ZNF644: variants seen among roughly 807,000 people sequenced by gnomAD.
ZNF644 encodes zinc finger protein 644.
Under a neutral mutation model 108.0 loss-of-function variants are expected in ZNF644, and 20 were observed. That is an observed-to-expected ratio of 0.19 (90% CI 0.13 to 0.27). The LOEUF is 0.27. ZNF644 is among the 10% of genes least tolerant of loss of function. ZNF644 has a pLI of 1.00. For synonymous variants in ZNF644, 542 were observed against 539.1 expected (o/e 1.01, Z -0.08); for missense variants, 1,338 against 1,548.9 (o/e 0.86, Z 2.29).
chr1:90,988,479 T>C (rs1342515726), intron 1 of ZNF644, among the ~76,000 whole-genome samples: 2 of 152,092 alleles, frequency 1.3e-5, no homozygotes, highest in Non-Finnish European at 2.9e-5. Flanking sequence ...AATCTACAGA[T>C]TCAATGCAAT....
intron 2 of ZNF644, among the ~76,000 whole-genome samples, chr1:90,960,592 A>G (rs1299447659): frequency 6.6e-6 from 1 of 152,148 alleles, no homozygotes; most frequent in African/African-American, 2.4e-5. Context: ...AAAGAAAGCC[A>G]ATCATAAAAT....
chr1:90,928,899 T>C (rs1650394407), intron 4 of ZNF644, among the ~76,000 whole-genome samples: 1 of 152,146 alleles, frequency 6.6e-6, no homozygotes, highest in African/African-American at 2.4e-5. Flanking sequence ...TGAAACCATA[T>C]AAACCCTTCT....
intron 4 of ZNF644, among the ~76,000 whole-genome samples, chr1:90,926,773 C>T (rs1283857286): frequency 6.6e-6 from 1 of 152,112 alleles, no homozygotes; most frequent in Non-Finnish European, 1.5e-5. Context: ...TAGTACCCCT[C>T]CTTTACATTC....
At chr1:90,919,220 A>T (rs1320709715) in intron 4 of ZNF644, among the ~76,000 whole-genome samples, 1 of 152,272 alleles carries the variant, frequency 6.6e-6, no homozygotes, top group East Asian at 1.9e-4. Context: ...TAGCAGGAAG[A>T]GAAGGTAAGA....
At chr1:90,997,100 A>G (rs534587645) in intron 1 of ZNF644, among the ~76,000 whole-genome samples, 1 of 152,322 alleles carries the variant, frequency 6.6e-6, no homozygotes, top group South Asian at 2.1e-4. Flanking sequence ...TTAAAAAGAA[A>G]AGCTGGGGGC....
intron 1 of ZNF644, among the ~76,000 whole-genome samples, chr1:91,015,576 G>A (rs1660362051): frequency 6.6e-6 from 1 of 152,164 alleles, no homozygotes; most frequent in South Asian, 2.1e-4. Flanking sequence ...CCAATGCACT[G>A]GCTGGGAAAT....
chr1:90,947,065 C>T (rs147056791), intron 2 of ZNF644, among the ~76,000 whole-genome samples: 2 of 152,274 alleles, frequency 1.3e-5, no homozygotes, highest in East Asian at 1.9e-4. Flanking sequence ...AAAGACATAA[C>T]TTTAAAGACA....
chr1:90,974,929 C>G (rs1655848451), intron 2 of ZNF644, among the ~76,000 whole-genome samples: 1 of 152,190 alleles, frequency 6.6e-6, no homozygotes, highest in Non-Finnish European at 1.5e-5. Context: ...ACGGTGAGCT[C>G]TACATTCAAA....
chr1:90,966,781 G>A (rs1272554905), intron 2 of ZNF644, among the ~76,000 whole-genome samples: 3 of 150,712 alleles, frequency 2.0e-5, no homozygotes, highest in Non-Finnish European at 4.4e-5. Flanking sequence ...TCTGGGTAAC[G>A]GGCCAACTTC....
chr1:90,980,455 C>T (rs1331179032), intron 2 of ZNF644, among the ~76,000 whole-genome samples: 1 of 152,108 alleles, frequency 6.6e-6, no homozygotes. Flanking sequence ...ATAAGGTTTA[C>T]TACATTTTAT....
At chr1:91,007,463 C>G (rs1393943149) in intron 1 of ZNF644, among the ~76,000 whole-genome samples, 1 of 151,930 alleles carries the variant, frequency 6.6e-6, no homozygotes, top group Non-Finnish European at 1.5e-5. Context: ...ATCCGCCCAC[C>G]TCGACCACCC....
intron 1 of ZNF644, among the ~76,000 whole-genome samples, chr1:90,992,569 A>G (rs1444289951): frequency 6.6e-6 from 1 of 152,236 alleles, no homozygotes; most frequent in Admixed American, 6.5e-5. Context: ...ATTGATATAC[A>G]AAATTTGTAC....
In ZNF644 at chr1:90,940,719, A is replaced by G; in HGVS notation, c.635T>C (p.Ile212Thr). 1 of 1,614,094 alleles carries G rather than the reference A, an allele frequency of 6.2e-7. No homozygotes were observed. Among genetic ancestry groups the G allele is most frequent in the Non-Finnish European group, 8.5e-7 (1 of 1,179,996 alleles). ...CDIQNSVGSNIKSDGTLINQV... is the reference protein window; with the variant it reads ...CDIQNSVGSNTKSDGTLINQV... ...ATTTATTAAAGTGCCATCTGACTTT[A>G]TATTACTCCCTACTGAATTCTGAAT... The change falls in exon 3 of 6, where the codon ATA (isoleucine) becomes ACA (threonine). Residue 212 changes from isoleucine to threonine, a missense_variant. Physicochemically the swap from Ile to Thr is moderately conservative, Grantham distance 89. Around this residue, in one of 6 missense-constraint regions of ZNF644, gnomAD observed 464 missense variants for 457.9 expected, o/e 1.01. Transcript: ENST00000337393.
chr1:90,917,385 G>A (rs909790411), intron 5 of ZNF644, among the ~76,000 whole-genome samples: 45 of 152,252 alleles, frequency 3.0e-4, no homozygotes, highest in African/African-American at 9.9e-4. Context: ...GGAAGAAGGC[G>A]TGACTATGAG....
chr1:90,917,298 C>G (rs767013560), intron 5 of ZNF644, among the ~76,000 whole-genome samples: 5 of 152,114 alleles, frequency 3.3e-5, no homozygotes, highest in Non-Finnish European at 5.9e-5. Flanking sequence ...TTAGAAAAGA[C>G]CCTTCCCCAG....
rs387907109 is a variant in ZNF644 at position 90,939,340 on chromosome 1, T to C, written c.2014A>G (p.Ser672Gly). 7.4e-6 allele frequency: 12 copies of C among 1,614,092 alleles called. No homozygotes were observed. The East Asian group carries it at 2.5e-4, about 33-fold the overall frequency. Residue 672 changes from serine to glycine, a missense_variant, in exon 3 of 6, where the codon AGT becomes GGT. By Grantham distance (56) the Ser-to-Gly change is moderately conservative. Around this residue, in one of 6 missense-constraint regions of ZNF644, gnomAD observed 462 missense variants for 472.6 expected, o/e 0.98. Coordinates refer to ENST00000337393, the MANE Select transcript of ZNF644 (RefSeq NM_201269.3). ...CGCTTATGAATTTTTGAAAAACTAC[T>C]TGATTGTGAGGTTGATCCAAATGTT... The part of the protein sequence containing the change: ...KRTFGSTSQS[S>G]SFSKIHKRPH...
At chr1:90,961,826 T>C (rs1040950983) in intron 2 of ZNF644, among the ~76,000 whole-genome samples, 6 of 152,090 alleles carry the variant, frequency 3.9e-5, no homozygotes, top group Non-Finnish European at 7.4e-5. Context: ...TAGAGACATT[T>C]TGGCTGTCAC....
chr1:90,940,588 C>T lies in ZNF644; in HGVS notation c.766G>A (p.Asp256Asn). 2.5e-6 allele frequency: 4 copies of T among 1,613,854 alleles called. No individual in the cohort carries two copies. The highest frequency in any genetic ancestry group is 3.4e-6 in the Non-Finnish European group (4 of 1,179,936). Residue 256 changes from aspartate (D) to asparagine (N), a missense_variant, in exon 3 of 6, where the codon GAT becomes AAT. This residue lies in a region of ZNF644 where 464 missense variants were observed against 457.9 expected (regional missense o/e 1.01). Coordinates refer to ENST00000337393, the MANE Select transcript of ZNF644 (RefSeq NM_201269.3). ...SGTDGFRSEN[D>N]TNWDPQKEFI... is the part of the protein sequence containing the mutation. ...TCTTTTTGGGGATCCCAGTTTGTAT[C>T]ATTTTCTGACCTAAATCCATCTGTA...
At chr1:90,971,612 A>G (rs1402219757) in intron 2 of ZNF644, among the ~76,000 whole-genome samples, 2 of 151,804 alleles carry the variant, frequency 1.3e-5, no homozygotes, top group Non-Finnish European at 2.9e-5. Context: ...TAGAGATGGG[A>G]TTTCACCATA....
Sources: gnomAD v4.1 joint callset for allele counts (sites outside exome capture counted in the v4.1 genomes callset) on GRCh38, gnomAD v4.1.1 for gene constraint, gnomAD v4.1.1 regional missense constraint, MANE v1.5 for transcripts, NCBI Gene and HGNC (gene_info 2026-07-23, HGNC 2026-07-21) for gene names.